SLC24A3: variants seen among roughly 807,000 people sequenced by gnomAD.
SLC24A3 encodes the protein sodium/potassium/calcium exchanger 3.
A neutral mutation model predicts 75.8 loss-of-function variants in SLC24A3; 28 were observed. That is an observed-to-expected ratio of 0.37 (90% CI 0.27 to 0.51). The LOEUF (loss-of-function observed/expected upper bound fraction) is 0.51, where lower values mean the gene tolerates loss of function less well. Among genes scored for constraint, SLC24A3 ranks in the 20% least tolerant of loss-of-function variants. The probability of loss-of-function intolerance (pLI) is 0.94; values close to 1 mark genes in which losing one functional copy is unlikely to be tolerated. For synonymous variants in SLC24A3, 372 were observed against 334.1 expected, an observed-to-expected ratio of 1.11 and a Z score of -1.24; for missense variants, 663 against 847.8, an observed-to-expected ratio of 0.78 and a Z score of 2.71.
chr20:19,459,550 A>T (rs1286122881), intron 2 of SLC24A3, among the ~76,000 whole-genome samples: 1 of 152,218 alleles, frequency 6.6e-6, no homozygotes, highest in Non-Finnish European at 1.5e-5. Context: ...TTTTCATTGC[A>T]TAGACTGTAT....
In SLC24A3 at chr20:19,633,648, C is replaced by CAAA. The variant is rs61251598; in HGVS notation, c.613-20394_613-20392dup. Among the ~76,000 whole-genome samples, 302 of 84,106 alleles carry CAAA rather than the reference C, an allele frequency of 3.6e-3. 2 individuals carry two copies. Among genetic ancestry groups the CAAA allele is most frequent in the African/African-American group, 8.6e-3 (170 of 19,870 alleles). 55.2% of individuals were successfully genotyped at this position (84,106 alleles called of 152,430 possible). A position where few individuals can be genotyped will look rare whatever the true frequency, so the allele number is the denominator to read the frequency against. On this transcript the variant is annotated intron_variant, in intron 6 of 16. Transcript: ENST00000328041. The stretch of plus-strand genomic sequence containing the variant: ...TGGGCGACAGAGCGAGACTCCGTCT[C>CAAA]AAAAAAAAAAAAAAAAAAAAAAGAA...
At chr20:19,393,251 G>A (rs1167316137) in intron 2 of SLC24A3, among the ~76,000 whole-genome samples, 2 of 152,084 alleles carry the variant, frequency 1.3e-5, no homozygotes, top group Admixed American at 1.3e-4. Flanking sequence ...AGATCAGGAT[G>A]GCCATTCAGG....
intron 9 of SLC24A3, among the ~76,000 whole-genome samples, chr20:19,679,489 C>G (rs1024288945): frequency 1.4e-3 from 183 of 132,906 alleles, no homozygotes; most frequent in Non-Finnish European, 2.1e-3. Flanking sequence ...AGAGGGAGAC[C>G]GTGGAAAGAG....
intron 2 of SLC24A3, among the ~76,000 whole-genome samples, chr20:19,482,296 T>C (rs919289640): frequency 6.6e-6 from 1 of 151,998 alleles, no homozygotes; most frequent in Non-Finnish European, 1.5e-5. Context: ...CAAGCCTCAT[T>C]CTCCTTCTTC....
chr20:19,461,651 GC>G (rs1183385832), intron 2 of SLC24A3, among the ~76,000 whole-genome samples: 9 of 147,724 alleles, frequency 6.1e-5, no homozygotes, highest in African/African-American at 2.2e-4. Flanking sequence ...TTCCACCTCA[GC>G]CTCCCAGGTA....
chr20:19,308,501 G>A (rs1270113762), intron 2 of SLC24A3, among the ~76,000 whole-genome samples: 1 of 152,206 alleles, frequency 6.6e-6, no homozygotes, highest in East Asian at 1.9e-4. Context: ...GGGGACATTT[G>A]TGATGTCTTC....
chr20:19,696,668 A>C lies in SLC24A3; in HGVS notation c.1492-129A>C, dbSNP rs2032809938. 9.3e-6 allele frequency: 6 copies of C among 645,082 alleles called. No homozygotes were observed. In the South Asian group the frequency reaches 1.1e-4, roughly 12 times the overall value. 40.0% of individuals were successfully genotyped at this position (645,082 alleles called of 1,614,324 possible). A position where few individuals can be genotyped will look rare whatever the true frequency, so the allele number is the denominator to read the frequency against. On this transcript the variant is annotated intron_variant, in intron 13 of 16. Transcript: ENST00000328041. The stretch of plus-strand genomic sequence containing the variant: ...TGTTTGTCACCCTCTGTATTGATAC[A>C]GAGAGCAGACATTGCACCCCACAGA...
chr20:19,441,159 T>C (rs1002261320), intron 2 of SLC24A3, among the ~76,000 whole-genome samples: 2 of 152,204 alleles, frequency 1.3e-5, no homozygotes, highest in African/African-American at 4.8e-5. Context: ...GACCTCTGTA[T>C]GGGACCTTCC....
chr20:19,693,318 T>G lies in SLC24A3; in HGVS notation c.1384T>G (p.Phe462Val), dbSNP rs1468599720. 4.3e-6 allele frequency: 7 copies of G among 1,614,152 alleles called. No homozygotes were observed. The highest frequency in any genetic ancestry group is 5.9e-6 in the Non-Finnish European group (7 of 1,180,016). Reference sequence around the variant, plus strand: ...CTGGCCGCTGAGTTTCGTCTTATACTTCACTGTACCCAACTGCAACAAGCC... The same window carrying G: ...CTGGCCGCTGAGTTTCGTCTTATACGTCACTGTACCCAACTGCAACAAGCC... The part of the protein sequence containing the change: ...FTWPLSFVLY[F>V]TVPNCNKPRW... The change falls in exon 13 of 17, where the codon TTC becomes GTC. Residue 462 changes from phenylalanine to valine, a missense_variant. Physicochemically the swap from Phe to Val is conservative, Grantham distance 50. Coordinates refer to ENST00000328041, the MANE Select transcript of SLC24A3 (RefSeq NM_020689.4).
At chr20:19,266,502 A>G (rs376138052) in intron 1 of SLC24A3, among the ~76,000 whole-genome samples, 4 of 152,226 alleles carry the variant, frequency 2.6e-5, no homozygotes, top group Admixed American at 6.5e-5. Flanking sequence ...CTGTTCTATA[A>G]TGGCAGAGAC....
At chr20:19,374,363 G>A (rs186602891) in intron 2 of SLC24A3, among the ~76,000 whole-genome samples, 51 of 152,302 alleles carry the variant, frequency 3.3e-4, no homozygotes, top group East Asian at 2.5e-3. Flanking sequence ...CTGGGACACC[G>A]GTGAAGCAGG....
rs2032431321 is a variant in SLC24A3 at position 19,668,887 on chromosome 20, C to T, written c.713+2998C>T. The stretch of plus-strand genomic sequence containing the variant: ...ATGGTCCCAAGATGGCTGCTGCAGC[C>T]CCAGCCACCAAGTTCATATTGAAGA... On this transcript the variant is annotated intron_variant, in intron 8 of 16. Transcript: ENST00000328041. Among the ~76,000 whole-genome samples the T allele has an allele frequency of 2.6e-5, 4 of 152,154 alleles. No individual in the cohort carries two copies. The South Asian group carries it at 8.3e-4, about 32-fold the overall frequency.
At chr20:19,519,279 C>T (rs1162504448) in intron 3 of SLC24A3, among the ~76,000 whole-genome samples, 1 of 152,222 alleles carries the variant, frequency 6.6e-6, no homozygotes, top group East Asian at 1.9e-4. Context: ...GTTCTGACCC[C>T]TTGATACACT....
chr20:19,524,122 C>G (rs557100128), intron 3 of SLC24A3, among the ~76,000 whole-genome samples: 19 of 152,138 alleles, frequency 1.2e-4, no homozygotes, highest in Non-Finnish European at 2.5e-4. Context: ...TCGCTGTCTG[C>G]CCCAGTGCCC....
At chr20:19,605,021 C>T (rs2031577511) in intron 6 of SLC24A3, among the ~76,000 whole-genome samples, 1 of 152,174 alleles carries the variant, frequency 6.6e-6, no homozygotes, top group Non-Finnish European at 1.5e-5. Context: ...GTACCATTTC[C>T]CTTCCATCCC....
chr20:19,490,432 C>T (rs545504697), intron 2 of SLC24A3, among the ~76,000 whole-genome samples: 92 of 152,274 alleles, frequency 6.0e-4, no homozygotes, highest in Non-Finnish European at 1.1e-3. Flanking sequence ...GTTACCGAAT[C>T]CCCTGACTTT....
At chr20:19,236,965 T>C (rs1982186800) in intron 1 of SLC24A3, among the ~76,000 whole-genome samples, 1 of 152,204 alleles carries the variant, frequency 6.6e-6, no homozygotes, top group African/African-American at 2.4e-5. Flanking sequence ...TTCTGGGCTG[T>C]TATTCTCCAA....
At chr20:19,499,418 ATTC>A (rs1425608706) in intron 2 of SLC24A3, among the ~76,000 whole-genome samples, 1 of 152,166 alleles carries the variant, frequency 6.6e-6, no homozygotes, top group Non-Finnish European at 1.5e-5. Flanking sequence ...TTCTCCTTGT[ATTC>A]TCACGTGACA....
intron 15 of SLC24A3, among the ~76,000 whole-genome samples, chr20:19,708,249 A>G (rs1196872364): frequency 1.3e-5 from 2 of 152,142 alleles, no homozygotes; most frequent in East Asian, 1.9e-4. Context: ...GTATGACAGC[A>G]TGGGGGTATA....
Sources: gnomAD v4.1 joint callset for allele counts (sites outside exome capture counted in the v4.1 genomes callset) on GRCh38, gnomAD v4.1.1 for gene constraint, MANE v1.5 for transcripts, NCBI Gene and HGNC (gene_info 2026-07-23, HGNC 2026-07-21) for gene names.